The following IL1RAPL2 variants were observed in gnomAD, a reference collection of about 807,000 sequenced individuals.
IL1RAPL2 encodes the protein X-linked interleukin-1 receptor accessory protein-like 2.
In IL1RAPL2, 3 loss-of-function variants were observed where a neutral mutation model predicts 44.1. That is an observed-to-expected ratio of 0.07 (90% CI 0.03 to 0.18). IL1RAPL2 has a LOEUF of 0.18. IL1RAPL2 is among the 10% of genes least tolerant of loss of function. The pLI, the probability that IL1RAPL2 is intolerant of heterozygous loss-of-function variation, is 1.00. For missense variants in IL1RAPL2, 391 were observed against 496.4 expected, an observed-to-expected ratio of 0.79 and a Z score of 2.02; for synonymous variants, 181 against 178.8, an observed-to-expected ratio of 1.01 and a Z score of -0.10.
intron 2 of IL1RAPL2, among the ~76,000 whole-genome samples, chrX:104,677,460 A>G (rs1457952798): frequency 2.7e-5 from 3 of 110,972 alleles, no homozygotes; most frequent in Non-Finnish European, 5.7e-5. Context: ...CGGTTCTCAG[A>G]TCTCCAGCTG....
chrX:104,871,217 G>A (rs937396758), intron 2 of IL1RAPL2, among the ~76,000 whole-genome samples: 7 of 111,715 alleles, frequency 6.3e-5, no homozygotes, highest in African/African-American at 2.3e-4. Flanking sequence ...CAAAAAGTCA[G>A]TTTGTTTAAA....
At chrX:104,582,860 C>CTTTCTTTCTTTT (rs1928433713) in intron 1 of IL1RAPL2, among the ~76,000 whole-genome samples, 1 of 73,958 alleles carries the variant, frequency 1.4e-5, no homozygotes, top group African/African-American at 5.5e-5. Flanking sequence ...TTCTTTCTTT[C>CTTTCTTTCTTTT]TTTCTTTCTT....
Position 104,658,912 on chromosome X carries a change from G to C in IL1RAPL2, c.-2G>C. Reference sequence around the variant, plus strand: ...CTTTTCAGCTGTCAAGAAAAGTGAAGGATGAAGCCACCATTTCTTTTGGCC... The same window carrying C: ...CTTTTCAGCTGTCAAGAAAAGTGAACGATGAAGCCACCATTTCTTTTGGCC... On this transcript the variant is annotated 5_prime_UTR_variant, in exon 2 of 11. Transcript: ENST00000372582. 2 of 1,199,423 alleles carry C rather than the reference G, an allele frequency of 1.7e-6. No individual in the cohort carries two copies. The highest frequency in any genetic ancestry group is 2.3e-4 in the Middle Eastern group (1 of 4,324).
At chrX:105,260,427 C>A (rs1285449915) in intron 4 of IL1RAPL2, among the ~76,000 whole-genome samples, 2 of 111,887 alleles carry the variant, frequency 1.8e-5, no homozygotes, top group Non-Finnish European at 3.8e-5. Context: ...AGTCTCGCCA[C>A]ATTTTAGTAG....
intron 2 of IL1RAPL2, among the ~76,000 whole-genome samples, chrX:104,948,957 CT>C (rs1251874042): frequency 6.4e-5 from 7 of 109,552 alleles, no homozygotes; most frequent in Non-Finnish European, 1.1e-4. Context: ...AGGATTCCCT[CT>C]TTTTCTATTG....
At chrX:105,738,874 G>T (rs2038472253) in intron 7 of IL1RAPL2, among the ~76,000 whole-genome samples, 1 of 110,524 alleles carries the variant, frequency 9.0e-6, no homozygotes, top group African/African-American at 3.3e-5. Flanking sequence ...GTTGCAGAGG[G>T]CTTCTCCTGT....
chrX:105,411,674 A>G lies in IL1RAPL2; in HGVS notation c.698-72639A>G, dbSNP rs147483147. Among the ~76,000 whole-genome samples the G allele has an allele frequency of 3.4e-3, 383 of 111,825 alleles. 1 individual carries two copies. Among genetic ancestry groups the G allele is most frequent in the Non-Finnish European group, 4.3e-3 (229 of 53,014 alleles). ...GAGCACCCAAATACGTAAAGAAAATATTATTAGATCTAAAGGGAAAGATAG... is the reference window on the plus strand; with the variant it reads ...GAGCACCCAAATACGTAAAGAAAATGTTATTAGATCTAAAGGGAAAGATAG... On this transcript the variant is annotated intron_variant, in intron 5 of 10. Coordinates refer to ENST00000372582, the MANE Select transcript of IL1RAPL2 (RefSeq NM_017416.2).
chrX:105,391,522 T>C (rs1305628412), intron 5 of IL1RAPL2, among the ~76,000 whole-genome samples: 3 of 94,306 alleles, frequency 3.2e-5, no homozygotes, highest in East Asian at 3.4e-4. Flanking sequence ...TGTGGAGAAA[T>C]AGGAACACTT....
chrX:105,084,260 C>T (rs763753689), intron 2 of IL1RAPL2, among the ~76,000 whole-genome samples: 1 of 112,529 alleles, frequency 8.9e-6, no homozygotes, highest in African/African-American at 3.2e-5. Context: ...CTCCAAACCC[C>T]AGAATGATAG....
intron 6 of IL1RAPL2, among the ~76,000 whole-genome samples, chrX:105,696,910 G>A (rs757104277): frequency 3.6e-5 from 4 of 111,437 alleles, no homozygotes; most frequent in South Asian, 3.8e-4. Context: ...GAGAAAATAA[G>A]TTTATTTGGC....
At chrX:105,103,473 C>A (rs1310097615) in intron 2 of IL1RAPL2, among the ~76,000 whole-genome samples, 1 of 111,837 alleles carries the variant, frequency 8.9e-6, no homozygotes, top group Non-Finnish European at 1.9e-5. Context: ...AGACTAATTA[C>A]ATTGACTAGA....
intron 6 of IL1RAPL2, among the ~76,000 whole-genome samples, chrX:105,671,179 T>C (rs2147853051): frequency 9.0e-6 from 1 of 111,246 alleles, no homozygotes; most frequent in East Asian, 2.8e-4. Flanking sequence ...ACTCCTGACC[T>C]CAGGTGATCC....
chrX:105,368,850 C>T (rs376564281), intron 5 of IL1RAPL2, among the ~76,000 whole-genome samples: 1 of 110,285 alleles, frequency 9.1e-6, no homozygotes. Context: ...TCCCATAAAT[C>T]CCTTGGGCTG....
chrX:105,339,015 A>G (rs1444309156), intron 5 of IL1RAPL2, among the ~76,000 whole-genome samples: 1 of 111,779 alleles, frequency 8.9e-6, no homozygotes, highest in Non-Finnish European at 1.9e-5. Context: ...AGGCAAGAGA[A>G]TCACTTGAAC....
chrX:105,412,161 C>G (rs1344823058), intron 5 of IL1RAPL2, among the ~76,000 whole-genome samples: 1 of 110,240 alleles, frequency 9.1e-6, no homozygotes, highest in African/African-American at 3.3e-5. Context: ...AAAAGCAGTT[C>G]TAAGAGGGAA....
intron 2 of IL1RAPL2, among the ~76,000 whole-genome samples, chrX:105,036,618 T>TCTC (rs1293840448): frequency 8.9e-6 from 1 of 112,410 alleles, no homozygotes; most frequent in Admixed American, 9.4e-5. Context: ...CATAAGGTTT[T>TCTC]TAGAGAAGAC....
At chrX:104,828,314 A>G (rs1014276628) in intron 2 of IL1RAPL2, among the ~76,000 whole-genome samples, 2 of 110,993 alleles carry the variant, frequency 1.8e-5, no homozygotes, top group African/African-American at 3.3e-5. Flanking sequence ...GATTTTTTGC[A>G]TGGTTGTCTT....
chrX:105,548,463 A>G (rs2036824753), intron 6 of IL1RAPL2, among the ~76,000 whole-genome samples: 1 of 111,667 alleles, frequency 9.0e-6, no homozygotes, highest in Non-Finnish European at 1.9e-5. Flanking sequence ...GGTGGAAAGA[A>G]CTTTATTTGT....
intron 2 of IL1RAPL2, among the ~76,000 whole-genome samples, chrX:104,683,535 G>A (rs1930926358): frequency 8.9e-6 from 1 of 112,091 alleles, no homozygotes; most frequent in South Asian, 3.7e-4. Flanking sequence ...TGTTTGATAT[G>A]CTTCTGTGAA....
Sources: gnomAD v4.1 joint callset for allele counts (sites outside exome capture counted in the v4.1 genomes callset) on GRCh38, gnomAD v4.1.1 for gene constraint, MANE v1.5 for transcripts, NCBI Gene and HGNC (gene_info 2026-07-23, HGNC 2026-07-21) for gene names.